NSMCE1: variants seen among roughly 807,000 people sequenced by gnomAD.
NSMCE1 encodes the protein NSE1 component of SMC5/6 complex.
NSMCE1 carries 18 observed loss-of-function variants against 29.6 expected under a neutral mutation model. The observed-to-expected ratio is 0.61, with a 90% CI of 0.42 to 0.90. The LOEUF is 0.90. NSMCE1 is among the 40% of genes least tolerant of loss of function. NSMCE1 has a pLI of 0.00. For synonymous variants in NSMCE1, 124 were observed against 133.4 expected (o/e 0.93, Z 0.49); for missense variants, 314 against 343.6 (o/e 0.91, Z 0.68).
chr16:27,230,307 G>GC (rs1277666221), intron 5 of NSMCE1, among the ~76,000 whole-genome samples: 1 of 152,180 alleles, frequency 6.6e-6, no homozygotes, highest in Non-Finnish European at 1.5e-5. Flanking sequence ...TTGTCAGTGG[G>GC]CCCCTGGCTA....
intron 2 of NSMCE1, among the ~76,000 whole-genome samples, chr16:27,248,406 C>CTTTTTT (rs756697569): frequency 3.8e-4 from 32 of 84,766 alleles, no homozygotes; most frequent in Non-Finnish European, 4.4e-4. Flanking sequence ...TTTTAGTTTG[C>CTTTTTT]TTTTTTTTTT....
At chr16:27,234,424 T>C (rs1330853078) in intron 3 of NSMCE1, among the ~76,000 whole-genome samples, 159 bp from the exon 4 acceptor site, 1 of 152,226 alleles carries the variant, frequency 6.6e-6, no homozygotes, top group Non-Finnish European at 1.5e-5. Context: ...ACCAGGCGTA[T>C]ATTACAGACT....
chr16:27,248,784 T>C (rs892010960), intron 2 of NSMCE1, among the ~76,000 whole-genome samples: 1 of 151,970 alleles, frequency 6.6e-6, no homozygotes, highest in African/African-American at 2.4e-5. Flanking sequence ...CGATTTGCAG[T>C]GTTCAAATAT....
intron 1 of NSMCE1, among the ~76,000 whole-genome samples, chr16:27,259,776 A>C (rs951842558): frequency 6.6e-6 from 1 of 152,224 alleles, no homozygotes; most frequent in Non-Finnish European, 1.5e-5. Context: ...ACCAGAGATT[A>C]AACACAATCA....
chr16:27,257,217 C>T (rs2084096890), intron 2 of NSMCE1: 5 of 422,850 alleles, frequency 1.2e-5, no homozygotes, highest in Non-Finnish European at 1.2e-5. Flanking sequence ...GCTTTAGACT[C>T]TAAGTTTTTA....
chr16:27,255,537 T>C (rs2084078089), intron 2 of NSMCE1, among the ~76,000 whole-genome samples: 1 of 152,178 alleles, frequency 6.6e-6, no homozygotes, highest in South Asian at 2.1e-4. Flanking sequence ...ATACACAGAA[T>C]TAAACACAGT....
intron 5 of NSMCE1, among the ~76,000 whole-genome samples, chr16:27,228,215 G>A (rs2083723322): frequency 6.6e-6 from 1 of 152,188 alleles, no homozygotes; most frequent in Non-Finnish European, 1.5e-5. Flanking sequence ...TAGAGGAGCT[G>A]GGTGAGCACA....
Position 27,225,124 on chromosome 16 carries a change from CA to C in NSMCE1, c.*32del. 1 of 1,390,386 alleles carries C rather than the reference CA, an allele frequency of 7.2e-7. No homozygotes were observed. Among genetic ancestry groups the C allele is most frequent in the African/African-American group, 1.4e-5 (1 of 70,636 alleles). 86.1% of individuals were successfully genotyped at this position (1,390,386 alleles called of 1,614,324 possible). On this transcript the variant is annotated 3_prime_UTR_variant, in exon 8 of 8. Coordinates refer to ENST00000361439, the MANE Select transcript of NSMCE1 (RefSeq NM_145080.4). The stretch of plus-strand genomic sequence containing the variant: ...GAAGGGCTGTGGCGATCAGGCCACT[CA>C]AGGCAGCCAGCCCCTCAGCAGGGCA...
chr16:27,260,108 T>C (rs957036273), intron 1 of NSMCE1, among the ~76,000 whole-genome samples: 1 of 152,198 alleles, frequency 6.6e-6, no homozygotes, highest in Non-Finnish European at 1.5e-5. Context: ...GGTAAATATG[T>C]GGTTAAATCC....
Position 27,225,779 on chromosome 16 carries a change from T to A in NSMCE1, c.668A>T (p.Asn223Ile). 6.2e-7 allele frequency: 1 copy of A among 1,614,176 alleles called. No homozygotes were observed. The highest frequency in any genetic ancestry group is 8.5e-7 in the Non-Finnish European group (1 of 1,180,026). Residue 223 changes from asparagine (N) to isoleucine (I), a missense_variant, in exon 7 of 8, where the codon AAT becomes ATT. Asn to Ile is a moderately radical substitution (Grantham distance 149, BLOSUM62 -3). Transcript: ENST00000361439. ...GCAGTGGGGGCAGCGCGGTTCAGCA[T>A]TCGACTGGAAGTACTTGGCCACGCA... ...LPCVAKYFQS[N>I]AEPRCPHCND...
Position 27,241,590 on chromosome 16 carries a change from G to A in NSMCE1, c.137-6291C>T, listed in dbSNP as rs374090533. The A allele has an allele frequency of 1.2e-3, 207 of 176,642 alleles. 4 individuals carry two copies. The South Asian group carries it at 0.017, about 14-fold the overall frequency. 10.9% of individuals were successfully genotyped at this position (176,642 alleles called of 1,614,324 possible). ...TGTAGCTCTCATCTTTCCCCCAACC[G>A]CCTGGGGAAAAAGATTCTCTGGACC... On this transcript the variant is annotated intron_variant, in intron 2 of 7. Transcript: ENST00000361439.
chr16:27,241,015 A>T (rs2083887875), intron 2 of NSMCE1, among the ~76,000 whole-genome samples: 1 of 152,202 alleles, frequency 6.6e-6, no homozygotes, highest in Non-Finnish European at 1.5e-5. Flanking sequence ...TGGAGACTGC[A>T]ATGAGCTATG....
chr16:27,257,910 G>A (rs574223153), intron 1 of NSMCE1, among the ~76,000 whole-genome samples: 2 of 152,162 alleles, frequency 1.3e-5, no homozygotes, highest in Non-Finnish European at 2.9e-5. Flanking sequence ...GTCCTCTGCA[G>A]AACTGCTACG....
intron 2 of NSMCE1, among the ~76,000 whole-genome samples, chr16:27,240,768 T>C (rs1567276875): frequency 6.6e-6 from 1 of 152,192 alleles, no homozygotes; most frequent in Non-Finnish European, 1.5e-5. Flanking sequence ...AGTTTCTCCT[T>C]TTCTTTTAAA....
chr16:27,262,030 G>A (rs943606415), intron 1 of NSMCE1, among the ~76,000 whole-genome samples: 3 of 152,140 alleles, frequency 2.0e-5, no homozygotes, highest in African/African-American at 7.2e-5. Flanking sequence ...ATCACCTGAG[G>A]TCAGGAGTTA....
Position 27,232,913 on chromosome 16 carries a change from C to T in NSMCE1, c.483+88G>A, listed in dbSNP as rs971560796. The T allele has an allele frequency of 1.9e-5, 27 of 1,389,426 alleles. No homozygotes were observed. The highest frequency in any genetic ancestry group is 2.7e-5 in the Non-Finnish European group (27 of 995,426). The allele number at this position is 1,389,426 out of a possible 1,614,324, so 86.1% of individuals were successfully genotyped here. A position where few individuals can be genotyped will look rare whatever the true frequency, so the allele number is the denominator to read the frequency against. ...ATCCGAGAAGGCCGGGCTCCTCAGA[C>T]ATCAGTTGGCTACAAGTACGATTTT... On this transcript the variant is annotated intron_variant, in intron 5 of 7. Transcript: ENST00000361439. The surrounding 1 kb of genome is among the most constrained non-coding windows in gnomAD (Gnocchi z 4.5).
intron 2 of NSMCE1, among the ~76,000 whole-genome samples, chr16:27,236,316 T>G (rs1202827064): frequency 6.5e-5 from 6 of 91,864 alleles, no homozygotes; most frequent in African/African-American, 2.6e-4. Flanking sequence ...TTTTTTTTTT[T>G]GAGACAGAGT....
At chr16:27,234,851 C>T (rs919032035) in intron 3 of NSMCE1, among the ~76,000 whole-genome samples, 1 of 152,200 alleles carries the variant, frequency 6.6e-6, no homozygotes, top group Non-Finnish European at 1.5e-5. Context: ...GCATCCTGAA[C>T]ACATCACGTG....
At position 27,268,707 on chromosome 16, in the gene NSMCE1, A is replaced by G. The variant is rs2084256388; in HGVS notation, c.-13T>C. 1 of 152,688 alleles carries G rather than the reference A, an allele frequency of 6.5e-6. No homozygotes were observed. Among genetic ancestry groups the G allele is most frequent in the African/African-American group, 2.4e-5 (1 of 41,432 alleles). 9.5% of individuals were successfully genotyped at this position (152,688 alleles called of 1,614,324 possible). On this transcript the variant is annotated splice_region_variant and 5_prime_UTR_variant, in exon 1 of 8. Coordinates refer to ENST00000361439, the MANE Select transcript of NSMCE1 (RefSeq NM_145080.4). ...CCCCTAGCTCCCCACGTTACCCACC[A>G]GGGAGCCCAAGCGCATCCCAGGCCG...
Sources: allele counts gnomAD v4.1 joint callset (sites outside exome capture counted in the v4.1 genomes callset), GRCh38; gene constraint gnomAD v4.1.1; non-coding constraint Gnocchi (gnomAD v3.1); transcripts MANE v1.5; gene names NCBI Gene and HGNC (gene_info 2026-07-23, HGNC 2026-07-21).